GPC6: variants seen among roughly 807,000 people sequenced by gnomAD.
GPC6 encodes the protein glypican 6.
A neutral mutation model predicts 55.2 loss-of-function variants in GPC6; 14 were observed. The observed-to-expected ratio is 0.25, with a 90% CI of 0.17 to 0.40. The LOEUF (loss-of-function observed/expected upper bound fraction) is 0.40. Among genes scored for constraint, GPC6 ranks in the 10% least tolerant of loss-of-function variants. GPC6 has a pLI of 1.00. For synonymous variants in GPC6, 278 were observed against 259.6 expected (o/e 1.07, Z -0.68); for missense variants, 641 against 708.5 (o/e 0.90, Z 1.08).
chr13:93,769,482 C>T (rs1357131054), intron 2 of GPC6, among the ~76,000 whole-genome samples: 2 of 151,636 alleles, frequency 1.3e-5, no homozygotes, highest in Admixed American at 6.6e-5. Flanking sequence ...AGAAGATGTG[C>T]GCAGAGTCTG....
chr13:94,377,019 C>T (rs1300610055), intron 6 of GPC6, among the ~76,000 whole-genome samples: 1 of 151,736 alleles, frequency 6.6e-6, no homozygotes, highest in African/African-American at 2.4e-5. Context: ...GAAACTGGAT[C>T]CCTTCCTTAC....
intron 4 of GPC6, among the ~76,000 whole-genome samples, chr13:94,285,343 T>C (rs1410602584): frequency 1.3e-5 from 2 of 152,234 alleles, no homozygotes; most frequent in African/African-American, 4.8e-5. Flanking sequence ...TTGGGGGAGA[T>C]GAGTTTGAAG....
chr13:94,343,960 G>A (rs1366653286), intron 6 of GPC6, among the ~76,000 whole-genome samples: 1 of 152,008 alleles, frequency 6.6e-6, no homozygotes, highest in Non-Finnish European at 1.5e-5. Flanking sequence ...CGAACTCCTG[G>A]GCTCAAGTGA....
At chr13:93,379,958 CAAAAAAA>C (rs58011385) in intron 1 of GPC6, among the ~76,000 whole-genome samples, 1 of 129,236 alleles carries the variant, frequency 7.7e-6, no homozygotes, top group African/African-American at 2.9e-5. Flanking sequence ...AATTCTGTCT[CAAAAAAA>C]AAAAAAAAAA....
intron 3 of GPC6, among the ~76,000 whole-genome samples, chr13:93,860,065 C>A (rs991581193): frequency 6.6e-6 from 1 of 151,688 alleles, no homozygotes; most frequent in African/African-American, 2.4e-5. Flanking sequence ...CCTCCTTCTT[C>A]CTTCCCATCA....
intron 4 of GPC6, among the ~76,000 whole-genome samples, chr13:94,148,067 C>G (rs1028583739): frequency 2.6e-5 from 4 of 152,166 alleles, no homozygotes; most frequent in Admixed American, 2.6e-4. Flanking sequence ...ATATTGCCAG[C>G]TACCCTGCTG....
intron 4 of GPC6, among the ~76,000 whole-genome samples, chr13:94,230,767 T>C (rs1327320762): frequency 6.6e-6 from 1 of 152,170 alleles, no homozygotes; most frequent in Non-Finnish European, 1.5e-5. Context: ...TAGCAGATAA[T>C]AAATATTATT....
At chr13:93,590,132 C>G (rs1182926834) in intron 2 of GPC6, among the ~76,000 whole-genome samples, 2 of 151,998 alleles carry the variant, frequency 1.3e-5, no homozygotes, top group Non-Finnish European at 2.9e-5. Context: ...TCTGTAATCA[C>G]CAGGGAATTT....
At chr13:93,689,268 A>G (rs1054561612) in intron 2 of GPC6, among the ~76,000 whole-genome samples, 7 of 152,124 alleles carry the variant, frequency 4.6e-5, no homozygotes, top group African/African-American at 1.7e-4. Context: ...TGCCATTGCA[A>G]ACAATCCACA....
At chr13:93,817,241 T>G (rs1886885428) in intron 2 of GPC6, among the ~76,000 whole-genome samples, 1 of 152,212 alleles carries the variant, frequency 6.6e-6, no homozygotes, top group Admixed American at 6.5e-5. Flanking sequence ...TCAGTTAATA[T>G]AAGAATCCCT....
At chr13:93,474,155 G>A (rs958846755) in intron 1 of GPC6, among the ~76,000 whole-genome samples, 1 of 152,168 alleles carries the variant, frequency 6.6e-6, no homozygotes, top group Admixed American at 6.5e-5. Context: ...CTGAGTTTAG[G>A]CCACAACTTT....
intron 3 of GPC6, among the ~76,000 whole-genome samples, chr13:93,854,138 C>G (rs1888517217): frequency 6.6e-6 from 1 of 151,572 alleles, no homozygotes; most frequent in Non-Finnish European, 1.5e-5. Flanking sequence ...TCTGCCTACT[C>G]AGCCAGTCAA....
At chr13:93,742,369 A>G (rs1449104946) in intron 2 of GPC6, among the ~76,000 whole-genome samples, 1 of 152,194 alleles carries the variant, frequency 6.6e-6, no homozygotes, top group Non-Finnish European at 1.5e-5. Context: ...AATGATAGAG[A>G]GTTTGAAGAA....
At chr13:93,224,974 C>T (rs947278638), upstream of GPC6, among the ~76,000 whole-genome samples, 17 of 152,164 alleles carry the variant, frequency 1.1e-4, no homozygotes, top group Admixed American at 4.6e-4. Flanking sequence ...GGACGGTGTG[C>T]AATAGTCTAG....
chr13:93,250,325 G>C (rs57108159), intron 1 of GPC6, among the ~76,000 whole-genome samples: 4,751 of 152,330 alleles, frequency 0.031, 245 homozygotes, highest in African/African-American at 0.11. Context: ...AAAGAAAACT[G>C]AGGGTCCTAG....
chr13:93,718,788 T>C (rs1326468061), intron 2 of GPC6, among the ~76,000 whole-genome samples: 1 of 152,022 alleles, frequency 6.6e-6, no homozygotes, highest in Non-Finnish European at 1.5e-5. Flanking sequence ...TTGTATAAGG[T>C]GTAAGGAAGG....
chr13:94,050,400 C>T (rs1337269793), intron 4 of GPC6, among the ~76,000 whole-genome samples: 2 of 152,130 alleles, frequency 1.3e-5, no homozygotes, highest in Non-Finnish European at 2.9e-5. Flanking sequence ...AAAACTCTAT[C>T]GTGCTTCCCA....
chr13:93,223,018 A>ATTTTTTTTTTTTTTTTT (rs1875661668), upstream of GPC6, among the ~76,000 whole-genome samples: 3 of 48,284 alleles, frequency 6.2e-5, no homozygotes, highest in African/African-American at 2.2e-4. Context: ...CAGGGAAAAC[A>ATTTTTTTTTTTTTTTTT]CTTTTTTTTT....
In GPC6 at chr13:94,407,520, G is replaced by A. The variant is rs747848466; in HGVS notation, c.*4303G>A. 1.1e-4 allele frequency: 17 copies of A among 151,986 alleles called. 1 individual carries two copies. Among genetic ancestry groups the A allele is most frequent in the African/African-American group, 3.4e-4 (14 of 41,408 alleles). The allele number at this position is 151,986 out of a possible 1,614,324, so 9.4% of individuals were successfully genotyped here. On this transcript the variant is annotated 3_prime_UTR_variant, in exon 9 of 9. Transcript: ENST00000377047. ...ATATTAAAAAACAACAACAAACCTC[G>A]TATATTAAAACAGTGCCACTCTCCT...
Sources: gnomAD v4.1 joint callset for allele counts (sites outside exome capture counted in the v4.1 genomes callset) on GRCh38, gnomAD v4.1.1 for gene constraint, MANE v1.5 for transcripts, NCBI Gene and HGNC (gene_info 2026-07-23, HGNC 2026-07-21) for gene names.